PPP4R4: variants seen among roughly 807,000 people sequenced by gnomAD.
PPP4R4 encodes protein phosphatase 4 regulatory subunit 4.
In PPP4R4, 70 loss-of-function variants were observed where a neutral mutation model predicts 121.8. The observed-to-expected ratio is 0.57, with a 90% confidence interval of 0.47 to 0.70. The LOEUF (loss-of-function observed/expected upper bound fraction) is 0.70, where lower values mean the gene tolerates loss of function less well. PPP4R4 is among the 30% of genes least tolerant of loss of function. The pLI is 0.00. For synonymous variants in PPP4R4, 348 were observed against 355.7 expected (o/e 0.98, Z 0.24); for missense variants, 875 against 1,033.6 (o/e 0.85, Z 2.10).
rs1336627231 is a variant in PPP4R4, at chr14:94,174,429, C to A, written c.-37C>A. The A allele has an allele frequency of 1.3e-6, 2 of 1,505,300 alleles. No individual in the cohort carries two copies. The highest frequency in any genetic ancestry group is 1.8e-6 in the Non-Finnish European group (2 of 1,127,238). The allele number at this position is 1,505,300 out of a possible 1,614,324, so 93.2% of individuals were successfully genotyped here. ...GCTGAGGGCGTCCGGCATCCCGGGG[C>A]CGCTCCGGCCCGGGCGGCGAGAGTG... On this transcript the variant is annotated 5_prime_UTR_variant, in exon 1 of 25. Transcript: ENST00000304338.
chr14:94,271,179 G>T (rs1239761259), intron 23 of PPP4R4, among the ~76,000 whole-genome samples: 1 of 152,074 alleles, frequency 6.6e-6, no homozygotes, highest in East Asian at 1.9e-4. Context: ...ATTCTGTGAG[G>T]TCAGCATTAC....
intron 3 of PPP4R4, among the ~76,000 whole-genome samples, chr14:94,217,653 TA>T (rs1357031998): frequency 6.6e-6 from 1 of 152,120 alleles, no homozygotes; most frequent in Non-Finnish European, 1.5e-5. Flanking sequence ...TGCCTGGATG[TA>T]TAGGGCATTT....
intron 16 of PPP4R4, among the ~76,000 whole-genome samples, chr14:94,255,325 G>A (rs913700276): frequency 1.1e-4 from 16 of 151,840 alleles, no homozygotes; most frequent in Non-Finnish European, 1.5e-4. Flanking sequence ...CGGACTGGGC[G>A]CGGTGGCTCC....
chr14:94,271,599 G>A (rs1894331424), intron 23 of PPP4R4, among the ~76,000 whole-genome samples: 1 of 152,168 alleles, frequency 6.6e-6, no homozygotes, highest in East Asian at 1.9e-4. Flanking sequence ...TCAGGAACAA[G>A]ACAATGATGT....
Position 94,249,410 on chromosome 14 carries a change from A to G in PPP4R4, c.1612-762A>G, listed in dbSNP as rs534080553. Among the ~76,000 whole-genome samples, 151 of 152,214 alleles carry G rather than the reference A, an allele frequency of 9.9e-4. 1 individual carries two copies. Among genetic ancestry groups the G allele is most frequent in the Non-Finnish European group, 1.6e-3 (111 of 67,930 alleles). On this transcript the variant is annotated intron_variant, in intron 14 of 24. Coordinates refer to ENST00000304338, the MANE Select transcript of PPP4R4 (RefSeq NM_058237.2). ...ACTGTCTCAGCAATGTAAAGTTTCA[A>G]TTTGAATTTCAAGGATCCCCACTAT...
rs754678114 is a variant in PPP4R4, at chr14:94,174,536, T to C, written c.71T>C (p.Leu24Pro). ...AGCCTGTTCGGTTACATGGAGGACC[T>C]GCAGGAGCTCACCATCATCGAGAGG... is the stretch of plus-strand genomic sequence containing the variant. ...QNSLFGYMED[L>P]QELTIIERPV... Residue 24 changes from leucine to proline, a missense_variant, in exon 1 of 25, where the codon CTG becomes CCG. By Grantham distance (98) the Leu-to-Pro change is moderately conservative. Transcript: ENST00000304338. The C allele has an allele frequency of 6.2e-7, 1 of 1,612,562 alleles. No individual in the cohort carries two copies. The highest frequency in any genetic ancestry group is 8.5e-7 in the Non-Finnish European group (1 of 1,179,278).
In PPP4R4 at chr14:94,276,502, T is replaced by C. The variant is rs541089210; in HGVS notation, c.2597+981T>C. On this transcript the variant is annotated intron_variant, in intron 24 of 24. Coordinates refer to ENST00000304338, the MANE Select transcript of PPP4R4 (RefSeq NM_058237.2). ...TCAGGAGGCTTATTATCCTGGTAGA[T>C]GGTGAAGCAGGAGCAGGCACATCAC... Among the ~76,000 whole-genome samples, 6 of 152,266 alleles carry C rather than the reference T, an allele frequency of 3.9e-5. No homozygotes were observed. In the South Asian group the frequency reaches 1.2e-3, roughly 32 times the overall value.
intron 2 of PPP4R4, among the ~76,000 whole-genome samples, chr14:94,207,169 T>C (rs1890500926): frequency 6.6e-6 from 1 of 152,070 alleles, no homozygotes; most frequent in Non-Finnish European, 1.5e-5. Flanking sequence ...AGGATTAAGA[T>C]GTAGACATAT....
At chr14:94,204,269 T>G (rs1393657786) in intron 2 of PPP4R4, among the ~76,000 whole-genome samples, 1 of 151,254 alleles carries the variant, frequency 6.6e-6, no homozygotes, top group Admixed American at 6.6e-5. Flanking sequence ...GTCATGTCAG[T>G]TTTTTTTTGT....
rs533915694 is a variant in PPP4R4, at chr14:94,239,020, A to C, written c.853+1334A>C. 2.6e-5 allele frequency among the ~76,000 whole-genome samples: 4 copies of C among 152,150 alleles called. No individual in the cohort carries two copies. The South Asian group carries it at 6.2e-4, about 24-fold the overall frequency. On this transcript the variant is annotated intron_variant, in intron 8 of 24. Transcript: ENST00000304338. The stretch of plus-strand genomic sequence containing the variant: ...ACCCATTTATCACAGAGCTGGGCCT[A>C]ACCTGTGTTTGTGGCTTTATTTCCT...
In PPP4R4 at chr14:94,251,875, A is replaced by C; in HGVS notation, c.1844A>C (p.His615Pro). The change falls in exon 16 of 25, where the codon CAT becomes CCT. Residue 615 changes from histidine to proline, a missense_variant. Transcript: ENST00000304338. ...TTTCTACCTGCTATTGAACTGACAC[A>C]TGATCCAGTAGCAAATGTGAGGTAT... The part of the protein sequence containing the change: ...YFFLPAIELT[H>P]DPVANVRMKL... The C allele has an allele frequency of 6.3e-7, 1 of 1,585,968 alleles. No homozygotes were observed. The highest frequency in any genetic ancestry group is 1.2e-5 in the South Asian group (1 of 86,762).
chr14:94,242,530 A>G, intron 11 of PPP4R4, 122 bp downstream of exon 11: 1 of 996,198 alleles, frequency 1.0e-6, no homozygotes, highest in Non-Finnish European at 1.4e-6. Context: ...TTCTAGTCTT[A>G]AATCTTGTTT....
At chr14:94,219,080 C>CTTTTTTTTTT (rs71301922) in intron 3 of PPP4R4, among the ~76,000 whole-genome samples, 17 of 106,938 alleles carry the variant, frequency 1.6e-4, no homozygotes, top group East Asian at 2.7e-4. Context: ...CTTTTCTTTT[C>CTTTTTTTTTT]TTTTTTTTTT....
chr14:94,235,167 A>G (rs1436012089), intron 7 of PPP4R4, among the ~76,000 whole-genome samples: 1 of 152,186 alleles, frequency 6.6e-6, no homozygotes, highest in Non-Finnish European at 1.5e-5. Flanking sequence ...ATGCTATGTA[A>G]ATAGTTATGC....
chr14:94,267,777 G>A (rs971204134), intron 23 of PPP4R4, among the ~76,000 whole-genome samples: 2 of 152,162 alleles, frequency 1.3e-5, no homozygotes, highest in Non-Finnish European at 2.9e-5. Context: ...AAATAGTAGT[G>A]AATCTGCTCA....
At chr14:94,258,679 A>G in intron 17 of PPP4R4, 104 bp from the exon 18 acceptor site, 1 of 772,292 alleles carries the variant, frequency 1.3e-6, no homozygotes, top group Non-Finnish European at 2.2e-6. Context: ...CCCCTAGTGC[A>G]GAAGTCTTCT....
At chr14:94,256,843 G>A (rs1893501590) in intron 17 of PPP4R4, among the ~76,000 whole-genome samples, 1 of 152,098 alleles carries the variant, frequency 6.6e-6, no homozygotes, top group African/African-American at 2.4e-5. Flanking sequence ...GAGAGAGTTT[G>A]ACACATGTTA....
chr14:94,252,164 A>G (rs1021909915), intron 16 of PPP4R4, among the ~76,000 whole-genome samples: 2 of 152,170 alleles, frequency 1.3e-5, no homozygotes, highest in African/African-American at 4.8e-5. Flanking sequence ...TTGGATATAC[A>G]CATTGAAATG....
chr14:94,227,717 G>A, intron 3 of PPP4R4: 2 of 1,009,162 alleles, frequency 2.0e-6, no homozygotes, highest in Non-Finnish European at 2.4e-6. Flanking sequence ...TTAAGAGGGG[G>A]CAGAATTGCA....
Sources: allele counts gnomAD v4.1 joint callset (sites outside exome capture counted in the v4.1 genomes callset), GRCh38; gene constraint gnomAD v4.1.1; transcripts MANE v1.5; gene names NCBI Gene and HGNC (gene_info 2026-07-23, HGNC 2026-07-21).